RARB: variants seen among roughly 807,000 people sequenced by gnomAD.
RARB encodes the protein HBV-activated protein.
In RARB, 17 loss-of-function variants were observed where a neutral mutation model predicts 51.9. The ratio of observed to expected loss-of-function variants is 0.33; its 90% CI spans 0.22 to 0.49. The LOEUF (loss-of-function observed/expected upper bound fraction) is 0.49, where lower values mean the gene tolerates loss of function less well. RARB is among the 20% of genes least tolerant of loss of function. The probability of loss-of-function intolerance (pLI) is 0.99; values close to 1 mark genes in which losing one functional copy is unlikely to be tolerated. For missense variants in RARB, 369 were observed against 550.8 expected (o/e 0.67, Z 3.30); for synonymous variants, 215 against 195.4 (o/e 1.10, Z -0.84).
At position 24,966,754 on chromosome 3, in the gene RARB, G is replaced by A. The variant is rs1025383897; in HGVS notation, c.-379-93371G>A. ...CCACTTTAAAGAACAGCAACAACAA[G>A]ATTCACATTAAATTTTTATCTTTCT... On this transcript the variant is annotated intron_variant, in intron 2 of 11. Transcript: ENST00000383772. Among the ~76,000 whole-genome samples, 7 of 152,050 alleles carry A rather than the reference G, an allele frequency of 4.6e-5. No individual in the cohort carries two copies. In the East Asian group the frequency reaches 1.4e-3, roughly 29 times the overall value.
At chr3:25,429,370 T>C (rs1190921660) in intron 1 of RARB, among the ~76,000 whole-genome samples, 1 of 152,188 alleles carries the variant, frequency 6.6e-6, no homozygotes, top group Non-Finnish European at 1.5e-5. Context: ...ACATTTTCCT[T>C]GAAAGGAATT....
At chr3:24,861,514 AC>A (rs1467628864) in intron 2 of RARB, among the ~76,000 whole-genome samples, 1 of 152,014 alleles carries the variant, frequency 6.6e-6, no homozygotes, top group Admixed American at 6.6e-5. Context: ...ATTGATATTT[AC>A]CATATTAGGA....
At chr3:25,137,209 T>C (rs936997407) in intron 4 of RARB, among the ~76,000 whole-genome samples, 1 of 152,068 alleles carries the variant, frequency 6.6e-6, no homozygotes, top group Non-Finnish European at 1.5e-5. Flanking sequence ...GACAGCCTTA[T>C]ACATCCAAAG....
intron 1 of RARB, among the ~76,000 whole-genome samples, chr3:24,832,802 A>C (rs924881050): frequency 6.6e-6 from 1 of 151,892 alleles, no homozygotes; most frequent in African/African-American, 2.4e-5. Flanking sequence ...TAGTTACGAG[A>C]ACCTGATCCA....
intron 5 of RARB, among the ~76,000 whole-genome samples, chr3:25,243,712 A>G (rs971456900): frequency 3.3e-5 from 5 of 152,172 alleles, no homozygotes; most frequent in African/African-American, 1.2e-4. Context: ...TCGGTTTGCC[A>G]GTATTTTATT....
chr3:25,182,976 A>G (rs1307391977), intron 5 of RARB, among the ~76,000 whole-genome samples: 2 of 152,088 alleles, frequency 1.3e-5, no homozygotes, highest in Admixed American at 6.6e-5. Flanking sequence ...GGAGAGAGAC[A>G]TGGAGAACAT....
chr3:25,055,048 C>G (rs770522354), intron 2 of RARB, among the ~76,000 whole-genome samples: 3 of 152,104 alleles, frequency 2.0e-5, no homozygotes, highest in Admixed American at 2.0e-4. Flanking sequence ...AATTGTGACA[C>G]CGGTTTCAGA....
At chr3:25,207,594 A>T (rs748289853) in intron 5 of RARB, among the ~76,000 whole-genome samples, 1 of 152,212 alleles carries the variant, frequency 6.6e-6, no homozygotes, top group Non-Finnish European at 1.5e-5. Flanking sequence ...CATTTTTTCT[A>T]TACTAAATGT....
At chr3:25,112,032 C>A (rs1699611020) in intron 3 of RARB, among the ~76,000 whole-genome samples, 1 of 152,104 alleles carries the variant, frequency 6.6e-6, no homozygotes, top group Non-Finnish European at 1.5e-5. Context: ...GCAGTATTTT[C>A]TTTTTGCAGT....
rs189295599 is a variant in RARB, at chr3:25,210,755, G to A, written c.178+36180G>A. Among the ~76,000 whole-genome samples the A allele has an allele frequency of 3.3e-5, 5 of 151,644 alleles. No homozygotes were observed. The East Asian group carries it at 5.9e-4, about 18-fold the overall frequency. ...TCATCACATTGGCCATGCTGGTCTC[G>A]AACTCCTGACCTCAAGTGAATCGCC... On this transcript the variant is annotated intron_variant, in intron 5 of 11. Transcript: ENST00000383772.
chr3:25,155,406 G>A (rs75245029), intron 4 of RARB, among the ~76,000 whole-genome samples: 532 of 152,198 alleles, frequency 3.5e-3, no homozygotes, highest in African/African-American at 0.012. Context: ...CTTCCCTCAC[G>A]GGTCTATCTC....
chr3:25,297,884 CT>C (rs1347581099), intron 5 of RARB, among the ~76,000 whole-genome samples: 1 of 152,132 alleles, frequency 6.6e-6, no homozygotes, highest in Non-Finnish European at 1.5e-5. Context: ...GGCTCAACTG[CT>C]TTTAATGCCT....
At chr3:25,370,268 TAAATTA>T (rs144748866) in intron 5 of RARB, among the ~76,000 whole-genome samples, 5,325 of 152,302 alleles carry the variant, frequency 0.035, 122 homozygotes, top group Middle Eastern at 0.065. Flanking sequence ...TGAAATATAC[TAAATTA>T]AAATTAGTAA....
Position 24,970,463 on chromosome 3 carries a change from T to C in RARB, c.-379-89662T>C, listed in dbSNP as rs558251103. Reference sequence around the variant, plus strand: ...GTCTACTCTGTGTGTCTTTTATATTTGAAGACTAGATACTGATAATGGTGC... The same window carrying C: ...GTCTACTCTGTGTGTCTTTTATATTCGAAGACTAGATACTGATAATGGTGC... On this transcript the variant is annotated intron_variant, in intron 2 of 11. Coordinates refer to the RARB transcript ENST00000383772. 3.3e-5 allele frequency among the ~76,000 whole-genome samples: 5 copies of C among 151,980 alleles called. No homozygotes were observed. In the East Asian group the frequency reaches 9.7e-4, roughly 29 times the overall value.
intron 3 of RARB, among the ~76,000 whole-genome samples, chr3:25,064,112 G>C (rs996713101): frequency 1.3e-5 from 2 of 152,104 alleles, no homozygotes; most frequent in Admixed American, 6.6e-5. Flanking sequence ...AGCTAATTTT[G>C]ATGATTGCTT....
intron 2 of RARB, among the ~76,000 whole-genome samples, chr3:25,017,505 A>T (rs1697539006): frequency 6.6e-6 from 1 of 152,166 alleles, no homozygotes. Flanking sequence ...TATCTGGTGC[A>T]TTTTTAATAT....
chr3:25,292,335 C>T (rs1161060982), intron 5 of RARB, among the ~76,000 whole-genome samples: 1 of 152,128 alleles, frequency 6.6e-6, no homozygotes, highest in Non-Finnish European at 1.5e-5. Context: ...AAGTCCTCCC[C>T]GATGTCACAG....
At chr3:25,185,208 G>T (rs1700949252) in intron 5 of RARB, among the ~76,000 whole-genome samples, 1 of 152,042 alleles carries the variant, frequency 6.6e-6, no homozygotes, top group African/African-American at 2.4e-5. Flanking sequence ...TATTAGAAAA[G>T]ACATTTTTTC....
intron 2 of RARB, among the ~76,000 whole-genome samples, chr3:24,970,218 A>C (rs1034754078): frequency 6.6e-6 from 1 of 152,084 alleles, no homozygotes; most frequent in Non-Finnish European, 1.5e-5. Context: ...CCCACTGCTG[A>C]TTTAGAAGGA....
Sources: allele counts gnomAD v4.1 joint callset (sites outside exome capture counted in the v4.1 genomes callset), GRCh38; gene constraint gnomAD v4.1.1; transcripts MANE v1.5; gene names NCBI Gene and HGNC (gene_info 2026-07-23, HGNC 2026-07-21).